MME: variants seen among roughly 807,000 people sequenced by gnomAD.
MME encodes the protein membrane metalloendopeptidase, also known as neprilysin.
MME carries 98 observed loss-of-function variants against 113.2 expected under a neutral mutation model. The ratio of observed to expected loss-of-function variants is 0.87; its 90% CI spans 0.74 to 1.02. The LOEUF is 1.02. Ranked by LOEUF, MME falls within the 50% of genes least tolerant of loss-of-function variation. The probability of loss-of-function intolerance (pLI) is 0.00; values close to 1 mark genes in which losing one functional copy is unlikely to be tolerated. For synonymous variants in MME, 292 were observed against 300.6 expected (o/e 0.97, Z 0.30); for missense variants, 836 against 896.0 (o/e 0.93, Z 0.86).
upstream of MME, chr3:155,080,072 G>T (rs1714979218): frequency 3.3e-5 from 5 of 153,038 alleles, no homozygotes; most frequent in Admixed American, 2.6e-4. Context: ...CTGGGAGCCC[G>T]TGGGACGGGC....
intron 17 of MME, among the ~76,000 whole-genome samples, chr3:155,166,468 A>G (rs1359556793): frequency 1.3e-5 from 2 of 152,206 alleles, no homozygotes; most frequent in East Asian, 3.9e-4. Flanking sequence ...ATTAAAAATA[A>G]TATTGGTGTT....
chr3:155,106,522 C>T (rs1193825186), intron 3 of MME, among the ~76,000 whole-genome samples: 1 of 152,104 alleles, frequency 6.6e-6, no homozygotes, highest in Non-Finnish European at 1.5e-5. Flanking sequence ...CAGTCATTTT[C>T]TCTTCAAAAA....
chr3:155,166,053 G>T (rs1335455158), intron 17 of MME, among the ~76,000 whole-genome samples: 1 of 152,188 alleles, frequency 6.6e-6, no homozygotes, highest in Non-Finnish European at 1.5e-5. Flanking sequence ...GGACACATTA[G>T]TAAGTTAGGG....
chr3:155,083,175 A>G (rs1228307644), intron 1 of MME, among the ~76,000 whole-genome samples: 2 of 152,132 alleles, frequency 1.3e-5, no homozygotes, highest in Admixed American at 6.5e-5. Flanking sequence ...CTGCATGATG[A>G]TACAGCTTTA....
intron 1 of MME, among the ~76,000 whole-genome samples, chr3:155,030,197 A>G (rs1712921951): frequency 6.6e-6 from 1 of 152,208 alleles, no homozygotes; most frequent in Non-Finnish European, 1.5e-5. Flanking sequence ...AGAATGGTAA[A>G]TTATATAAAC....
intron 1 of MME, among the ~76,000 whole-genome samples, chr3:155,026,945 T>C (rs1261021997): frequency 6.6e-6 from 1 of 152,182 alleles, no homozygotes; most frequent in East Asian, 1.9e-4. Flanking sequence ...ATTCTGTCTA[T>C]CTACTCAGAC....
chr3:155,063,219 C>CATA (rs1261653453), intron 1 of MME, among the ~76,000 whole-genome samples: 1 of 109,036 alleles, frequency 9.2e-6, no homozygotes, highest in East Asian at 2.5e-4. Context: ...TAATAATATA[C>CATA]ATATGTATAT....
chr3:155,110,627 C>A (rs1718116709), intron 3 of MME, among the ~76,000 whole-genome samples: 2 of 152,096 alleles, frequency 1.3e-5, no homozygotes, highest in Non-Finnish European at 2.9e-5. Flanking sequence ...GAAATAAGCT[C>A]ATTATTAATA....
At chr3:155,069,664 C>A (rs1714491798) in intron 1 of MME, among the ~76,000 whole-genome samples, 1 of 152,104 alleles carries the variant, frequency 6.6e-6, no homozygotes, top group Non-Finnish European at 1.5e-5. Context: ...ATGGAGAACC[C>A]TTCTTATTTT....
At chr3:155,106,336 T>C (rs1717683005) in intron 3 of MME, among the ~76,000 whole-genome samples, 2 of 152,186 alleles carry the variant, frequency 1.3e-5, no homozygotes, top group African/African-American at 4.8e-5. Context: ...CAGTTTACAC[T>C]CAGCATCTGG....
intron 22 of MME, among the ~76,000 whole-genome samples, chr3:155,174,510 T>C (rs1417320734): frequency 6.6e-6 from 1 of 152,192 alleles, no homozygotes; most frequent in East Asian, 1.9e-4. Flanking sequence ...GGCCACTTCC[T>C]GGCTGTACAA....
intron 18 of MME, 124 bp downstream of exon 18, chr3:155,167,145 C>A: frequency 9.4e-6 from 12 of 1,278,218 alleles, no homozygotes; most frequent in Non-Finnish European, 1.3e-5. Context: ...CTAATTTTCA[C>A]CACACTTTCA....
At chr3:155,051,275 G>C (rs1201489994) in intron 1 of MME, among the ~76,000 whole-genome samples, 2 of 152,124 alleles carry the variant, frequency 1.3e-5, no homozygotes, top group African/African-American at 4.8e-5. Context: ...CATTATTCAA[G>C]AAAATGTCTG....
At position 155,117,099 on chromosome 3, in the gene MME, G is replaced by A. The variant is rs2108257537; in HGVS notation, c.654+113G>A. ...TGCTATTTTCAATTGAATTGAATAA[G>A]CAAGGAGGTAGTATATCCATGCTCT... On this transcript the variant is annotated intron_variant, in intron 7 of 22. Coordinates refer to ENST00000360490, the MANE Select transcript of MME (RefSeq NM_007289.4). The A allele has an allele frequency of 5.4e-6, 4 of 735,934 alleles. No homozygotes were observed. The East Asian group carries it at 8.1e-5, about 15-fold the overall frequency. The allele number at this position is 735,934 out of a possible 1,614,324, so 45.6% of individuals were successfully genotyped here.
chr3:155,063,500 AAT>A (rs1422328341), intron 1 of MME, among the ~76,000 whole-genome samples: 3 of 103,814 alleles, frequency 2.9e-5, no homozygotes, highest in East Asian at 2.4e-4. Context: ...TATATATTTA[AAT>A]ATATATATTT....
At chr3:155,062,071 A>G (rs1272360498) in intron 1 of MME, among the ~76,000 whole-genome samples, 1 of 152,086 alleles carries the variant, frequency 6.6e-6, no homozygotes. Context: ...TTTTATTTCT[A>G]TGTATTGTGC....
At position 155,144,435 on chromosome 3, in the gene MME, CA is replaced by C. The variant is rs751149568; in HGVS notation, c.1400del (p.Lys467ArgfsTer8). ...GACCTCACTTGGATGGATGCCGAGA[CA>C]AAAAAGAGAGCTGAAGAAAAGGTAA... ...LDDLTWMDAE[T>X]KKRAEEKALA... is the part of the protein sequence containing the mutation. On this transcript the variant is annotated frameshift_variant, in exon 14 of 23. Coordinates refer to ENST00000360490, the MANE Select transcript of MME (RefSeq NM_007289.4). LOFTEE classifies it high-confidence loss of function. 1.2e-6 allele frequency: 2 copies of C among 1,610,842 alleles called. No homozygotes were observed. Among genetic ancestry groups the C allele is most frequent in the Non-Finnish European group, 1.7e-6 (2 of 1,178,026 alleles).
intron 1 of MME, among the ~76,000 whole-genome samples, chr3:155,043,704 T>C (rs1397264214): frequency 6.6e-6 from 1 of 152,168 alleles, no homozygotes; most frequent in Non-Finnish European, 1.5e-5. Context: ...GTTGTATCTA[T>C]TACTGGACCT....
intron 3 of MME, among the ~76,000 whole-genome samples, chr3:155,104,207 C>T (rs73010293): frequency 0.016 from 2,494 of 152,044 alleles, 74 homozygotes; most frequent in African/African-American, 0.057. Context: ...ATATAGAGGC[C>T]GTCAATATTT....
Sources: allele counts gnomAD v4.1 joint callset (sites outside exome capture counted in the v4.1 genomes callset), GRCh38; gene constraint gnomAD v4.1.1; transcripts MANE v1.5; gene names NCBI Gene and HGNC (gene_info 2026-07-23, HGNC 2026-07-21).